The following BICC1 variants were observed in gnomAD, a reference collection of about 807,000 sequenced individuals.
BICC1 encodes protein bicaudal C homolog 1.
In BICC1, 43 loss-of-function variants were observed where a neutral mutation model predicts 111.0. The observed-to-expected ratio is 0.39, with a 90% CI of 0.30 to 0.50. The LOEUF (loss-of-function observed/expected upper bound fraction) is 0.50, where lower values mean the gene tolerates loss of function less well. Ranked by LOEUF, BICC1 falls within the 20% of genes least tolerant of loss-of-function variation. The probability of loss-of-function intolerance (pLI) is 0.88; values close to 1 mark genes in which losing one functional copy is unlikely to be tolerated. For synonymous variants in BICC1, 467 were observed against 434.4 expected (o/e 1.07, Z -0.93); for missense variants, 1,091 against 1,203.2 (o/e 0.91, Z 1.38).
intron 3 of BICC1, among the ~76,000 whole-genome samples, chr10:58,759,689 G>A (rs1054593877): frequency 1.3e-5 from 2 of 152,156 alleles, no homozygotes; most frequent in Non-Finnish European, 2.9e-5. Context: ...GCCTGGCGCG[G>A]TGGCTCACAC....
chr10:58,621,560 C>T (rs182936172), intron 2 of BICC1, among the ~76,000 whole-genome samples: 1 of 152,178 alleles, frequency 6.6e-6, no homozygotes, highest in East Asian at 1.9e-4. Flanking sequence ...TGCCTGTAAT[C>T]CCACCACTTT....
At position 58,537,435 on chromosome 10, in the gene BICC1, C is replaced by A. The variant is rs953256514; in HGVS notation, c.190+24102C>A. ...AAAAGCATTTGATAAAATCTGGTAT[C>A]CCTTTATGATAAAAATTCTCAACAA... is the stretch of plus-strand genomic sequence containing the variant. On this transcript the variant is annotated intron_variant, in intron 1 of 20. Transcript: ENST00000373886. 5.1e-4 allele frequency among the ~76,000 whole-genome samples: 78 copies of A among 151,628 alleles called. 1 individual carries two copies. Among genetic ancestry groups the A allele is most frequent in the African/African-American group, 1.9e-3 (78 of 41,442 alleles).
At chr10:58,673,208 A>G (rs1462619020) in intron 2 of BICC1, among the ~76,000 whole-genome samples, 2 of 152,174 alleles carry the variant, frequency 1.3e-5, no homozygotes, top group African/African-American at 2.4e-5. Context: ...TTTTTCCTAT[A>G]TCAGGAAGAT....
At chr10:58,632,210 A>G (rs1313845658) in intron 2 of BICC1, among the ~76,000 whole-genome samples, 3 of 152,236 alleles carry the variant, frequency 2.0e-5, no homozygotes, top group African/African-American at 7.2e-5. Context: ...CCATGAGAAT[A>G]CTAAAGAAGA....
intron 2 of BICC1, among the ~76,000 whole-genome samples, chr10:58,664,110 G>A (rs189207396): frequency 1.3e-4 from 20 of 152,272 alleles, no homozygotes; most frequent in Non-Finnish European, 2.5e-4. Flanking sequence ...TCATGTAAGT[G>A]TGTGTTTCAC....
chr10:58,601,754 T>C (rs1845047038), intron 1 of BICC1, among the ~76,000 whole-genome samples: 1 of 152,142 alleles, frequency 6.6e-6, no homozygotes, highest in Non-Finnish European at 1.5e-5. Flanking sequence ...GGGTTATAAT[T>C]ATATAAATTA....
chr10:58,732,667 A>G (rs979788547), intron 3 of BICC1, among the ~76,000 whole-genome samples: 47 of 151,354 alleles, frequency 3.1e-4, no homozygotes, highest in African/African-American at 9.5e-4. Flanking sequence ...TGTAGTCCCA[A>G]CTACTTGGGA....
At chr10:58,663,698 G>A (rs371120565) in intron 2 of BICC1, among the ~76,000 whole-genome samples, 20 of 152,146 alleles carry the variant, frequency 1.3e-4, no homozygotes, top group East Asian at 5.8e-4. Context: ...GATGATCTGC[G>A]GTGGGACAGT....
At chr10:58,656,555 C>T (rs1179193076) in intron 2 of BICC1, among the ~76,000 whole-genome samples, 1 of 150,650 alleles carries the variant, frequency 6.6e-6, no homozygotes, top group Non-Finnish European at 1.5e-5. Context: ...ATACGCAAAT[C>T]AATAAATGTA....
chr10:58,658,077 C>T (rs1838718257), intron 2 of BICC1, among the ~76,000 whole-genome samples: 1 of 152,168 alleles, frequency 6.6e-6, no homozygotes, highest in Non-Finnish European at 1.5e-5. Flanking sequence ...TTCACTACGA[C>T]ACCACCATTA....
chr10:58,814,054 T>A (rs765551538), intron 18 of BICC1, 68 bp downstream of exon 18: 1 of 1,559,348 alleles, frequency 6.4e-7, no homozygotes, highest in African/African-American at 1.4e-5. Flanking sequence ...TGGGTTGGAG[T>A]ATCACTGACT....
chr10:58,675,242 G>A (rs1039733883), intron 2 of BICC1, among the ~76,000 whole-genome samples: 1 of 152,112 alleles, frequency 6.6e-6, no homozygotes, highest in Non-Finnish European at 1.5e-5. Flanking sequence ...GGAAGACCTG[G>A]TTTGGAAGGA....
intron 2 of BICC1, among the ~76,000 whole-genome samples, chr10:58,633,879 T>A (rs1358830647): frequency 6.6e-6 from 1 of 152,122 alleles, no homozygotes; most frequent in Non-Finnish European, 1.5e-5. Flanking sequence ...AGTATATTGA[T>A]GAACAAGTAC....
At chr10:58,574,673 A>T (rs569637903) in intron 1 of BICC1, among the ~76,000 whole-genome samples, 1 of 152,286 alleles carries the variant, frequency 6.6e-6, no homozygotes, top group South Asian at 2.1e-4. Context: ...GATGTTGACT[A>T]TATTTTCAGT....
At chr10:58,815,422 C>T (rs1273321914) in intron 18 of BICC1, among the ~76,000 whole-genome samples, 1 of 152,116 alleles carries the variant, frequency 6.6e-6, no homozygotes, top group African/African-American at 2.4e-5. Flanking sequence ...CAGGCTGATG[C>T]CAGGCACAGA....
At chr10:58,552,344 A>AT (rs1325698467) in intron 1 of BICC1, among the ~76,000 whole-genome samples, 2 of 151,666 alleles carry the variant, frequency 1.3e-5, no homozygotes, top group Non-Finnish European at 2.9e-5. Flanking sequence ...TTATTTATTT[A>AT]TTTATTTTTG....
At chr10:58,633,372 T>C (rs537619453) in intron 2 of BICC1, among the ~76,000 whole-genome samples, 45 of 152,358 alleles carry the variant, frequency 3.0e-4, no homozygotes, top group African/African-American at 9.9e-4. Flanking sequence ...TTAAAAATGA[T>C]AGCCAGGGTG....
intron 3 of BICC1, among the ~76,000 whole-genome samples, chr10:58,762,222 T>C (rs1352134476): frequency 6.6e-6 from 1 of 152,012 alleles, no homozygotes; most frequent in African/African-American, 2.4e-5. Context: ...AGCTGGAGAA[T>C]GTACAAACAG....
At chr10:58,726,412 A>C (rs1841106761) in intron 3 of BICC1, among the ~76,000 whole-genome samples, 1 of 152,214 alleles carries the variant, frequency 6.6e-6, no homozygotes, top group Non-Finnish European at 1.5e-5. Flanking sequence ...GAGAAGTTAA[A>C]GGAACTTCAT....
Sources: allele counts gnomAD v4.1 joint callset (sites outside exome capture counted in the v4.1 genomes callset), GRCh38; gene constraint gnomAD v4.1.1; transcripts MANE v1.5; gene names NCBI Gene and HGNC (gene_info 2026-07-23, HGNC 2026-07-21).